Variants in NAALADL2 observed in about 807,000 individuals in gnomAD.
The protein encoded by NAALADL2 is N-acetylated alpha-linked acidic dipeptidase like 2.
Under a neutral mutation model 87.2 loss-of-function variants are expected in NAALADL2, and 76 were observed. That is an observed-to-expected ratio of 0.87 (90% CI 0.72 to 1.05). The LOEUF is 1.05. Ranked by LOEUF, NAALADL2 falls within the 50% of genes least tolerant of loss-of-function variation. The probability of loss-of-function intolerance (pLI) is 0.00; values close to 1 mark genes in which losing one functional copy is unlikely to be tolerated. For missense variants in NAALADL2, 1,089 were observed against 945.8 expected, an observed-to-expected ratio of 1.15 and a Z score of -1.99; for synonymous variants, 354 against 331.0, an observed-to-expected ratio of 1.07 and a Z score of -0.75.
At chr3:175,793,000 T>C (rs904600982) in intron 13 of NAALADL2, among the ~76,000 whole-genome samples, 1 of 152,244 alleles carries the variant, frequency 6.6e-6, no homozygotes, top group African/African-American at 2.4e-5. Context: ...TGCAGGAAAC[T>C]TCCTCTCAAA....
chr3:175,410,351 G>T (rs1245181917), intron 5 of NAALADL2, among the ~76,000 whole-genome samples: 1 of 152,092 alleles, frequency 6.6e-6, no homozygotes, highest in Non-Finnish European at 1.5e-5. Context: ...GATCTCTTAA[G>T]TTTCATTTAA....
chr3:174,552,447 GT>G (rs1159190144), intron 2 of NAALADL2, among the ~76,000 whole-genome samples: 1 of 152,022 alleles, frequency 6.6e-6, no homozygotes, highest in East Asian at 1.9e-4. Context: ...AAAATTTTTA[GT>G]TAGATTGACA....
At chr3:175,743,304 A>G (rs62286110) in intron 12 of NAALADL2, among the ~76,000 whole-genome samples, 17,199 of 152,212 alleles carry the variant, frequency 0.11, 1,132 homozygotes, top group African/African-American at 0.19. Context: ...CCCGGCCCAG[A>G]GAATTCTTTT....
rs138697116 is a variant in NAALADL2 at position 174,699,314 on chromosome 3, G to C, written c.-114-38327G>C. Among the ~76,000 whole-genome samples the C allele has an allele frequency of 3.0e-3, 462 of 152,138 alleles. 6 individuals carry two copies. The highest frequency in any genetic ancestry group is 2.3e-3 in the Non-Finnish European group (155 of 67,984). On this transcript the variant is annotated intron_variant, in intron 2 of 3. Coordinates refer to the NAALADL2 transcript ENST00000434257. ...AGTTTGAGACCAGCCTGGCCAATAT[G>C]GTGAAACCTCGTCTCTACTAAAACA...
intron 1 of NAALADL2, among the ~76,000 whole-genome samples, chr3:174,519,065 A>C (rs898679102): frequency 1.3e-5 from 2 of 152,148 alleles, no homozygotes; most frequent in Admixed American, 6.6e-5. Flanking sequence ...TCCATCACCT[A>C]CCACCTGCAA....
chr3:174,458,640 C>T (rs943709266), intron 1 of NAALADL2: 5 of 152,248 alleles, frequency 3.3e-5, no homozygotes, highest in African/African-American at 1.2e-4. Context: ...AAGTCTTTGT[C>T]CAGGTTACTC....
intron 2 of NAALADL2, among the ~76,000 whole-genome samples, chr3:174,574,409 C>A (rs1222050259): frequency 6.6e-6 from 1 of 151,774 alleles, no homozygotes; most frequent in Non-Finnish European, 1.5e-5. Flanking sequence ...TTTTTTAAAG[C>A]AGAGTAAGTA....
At chr3:174,981,300 G>T (rs1469045024) in intron 1 of NAALADL2, among the ~76,000 whole-genome samples, 1 of 152,218 alleles carries the variant, frequency 6.6e-6, no homozygotes, top group East Asian at 1.9e-4. Flanking sequence ...TATAAATACG[G>T]ACATACTCAT....
intron 9 of NAALADL2, among the ~76,000 whole-genome samples, chr3:175,550,925 G>T (rs1357209974): frequency 6.6e-6 from 1 of 152,204 alleles, no homozygotes; most frequent in African/African-American, 2.4e-5. Context: ...TTTCTCAAAA[G>T]AGAAAAGAAA....
At chr3:175,480,167 A>G (rs1448629494) in intron 9 of NAALADL2, among the ~76,000 whole-genome samples, 1 of 151,790 alleles carries the variant, frequency 6.6e-6, no homozygotes, top group Non-Finnish European at 1.5e-5. Flanking sequence ...TTCTAGGCTA[A>G]GAGCTTTCAT....
At chr3:175,084,409 T>C (rs1718462631) in intron 1 of NAALADL2, among the ~76,000 whole-genome samples, 2 of 152,194 alleles carry the variant, frequency 1.3e-5, no homozygotes, top group South Asian at 2.1e-4. Flanking sequence ...GGTGTCTAGC[T>C]CTGCTGCTTC....
At position 175,055,565 on chromosome 3, in the gene NAALADL2, C is replaced by T. The variant is rs535612474; in HGVS notation, c.44-41225C>T. On this transcript the variant is annotated intron_variant, in intron 1 of 13. Coordinates refer to ENST00000454872, the MANE Select transcript of NAALADL2 (RefSeq NM_207015.3). Reference sequence around the variant, plus strand: ...AGGGAATGGCCTCAGTCGGAAATGCCCCAGTTTGGAATGGGGCCTGGGCCA... The same window carrying T: ...AGGGAATGGCCTCAGTCGGAAATGCTCCAGTTTGGAATGGGGCCTGGGCCA... 7.9e-5 allele frequency among the ~76,000 whole-genome samples: 12 copies of T among 152,316 alleles called. No homozygotes were observed. The South Asian group carries it at 2.3e-3, about 29-fold the overall frequency.
chr3:174,748,935 G>A (rs1011834104), intron 3 of NAALADL2, among the ~76,000 whole-genome samples: 1 of 152,056 alleles, frequency 6.6e-6, no homozygotes, highest in Non-Finnish European at 1.5e-5. Context: ...GTTGAGTGTA[G>A]CATGCATATT....
intron 1 of NAALADL2, among the ~76,000 whole-genome samples, chr3:174,931,392 C>T (rs1736869457): frequency 1.3e-5 from 2 of 152,004 alleles, no homozygotes; most frequent in Admixed American, 1.3e-4. Context: ...CTCACTTTTC[C>T]AAACATAAGA....
At position 175,009,195 on chromosome 3, in the gene NAALADL2, C is replaced by A. The variant is rs1449955919; in HGVS notation, c.44-87595C>A. ...TAAGAATTTTCATTTCTAACACGTT[C>A]TCAGATGATGCTAATGCTGCTGGTC... On this transcript the variant is annotated intron_variant, in intron 1 of 13. Coordinates refer to ENST00000454872, the MANE Select transcript of NAALADL2 (RefSeq NM_207015.3). Among the ~76,000 whole-genome samples, 6 of 152,130 alleles carry A rather than the reference C, an allele frequency of 3.9e-5. No homozygotes were observed. In the East Asian group the frequency reaches 1.2e-3, roughly 29 times the overall value.
intron 11 of NAALADL2, among the ~76,000 whole-genome samples, chr3:175,717,452 G>A (rs1741466905): frequency 6.6e-6 from 1 of 152,012 alleles, no homozygotes; most frequent in Non-Finnish European, 1.5e-5. Context: ...AGCACTTTGG[G>A]AGGCCGAGGA....
intron 6 of NAALADL2, among the ~76,000 whole-genome samples, chr3:175,461,472 C>T (rs1017555954): frequency 5.3e-5 from 8 of 152,120 alleles, no homozygotes; most frequent in Non-Finnish European, 1.0e-4. Flanking sequence ...ACCTCTCAAT[C>T]CCCCCTCTAA....
At chr3:175,017,091 T>A (rs1750920647) in intron 1 of NAALADL2, among the ~76,000 whole-genome samples, 1 of 152,044 alleles carries the variant, frequency 6.6e-6, no homozygotes, top group African/African-American at 2.4e-5. Flanking sequence ...GCAATACAAC[T>A]AGTTACCCAT....
intron 2 of NAALADL2, among the ~76,000 whole-genome samples, chr3:175,213,156 G>T (rs897345420): frequency 3.9e-5 from 6 of 152,258 alleles, no homozygotes; most frequent in Admixed American, 3.9e-4. Context: ...GCTTCCAAGA[G>T]GCTAAATAAC....
Sources: gnomAD v4.1 joint callset for allele counts (sites outside exome capture counted in the v4.1 genomes callset) on GRCh38, gnomAD v4.1.1 for gene constraint, MANE v1.5 for transcripts, NCBI Gene and HGNC (gene_info 2026-07-23, HGNC 2026-07-21) for gene names.